The following HDGFL3 variants were observed in gnomAD, a reference collection of about 807,000 sequenced individuals.
HDGFL3 encodes the protein hepatoma-derived growth factor-related protein 3.
Under a neutral mutation model 27.6 loss-of-function variants are expected in HDGFL3, and 6 were observed. The ratio of observed to expected loss-of-function variants is 0.22; its 90% confidence interval spans 0.12 to 0.43. The LOEUF (loss-of-function observed/expected upper bound fraction) is 0.43, where lower values mean the gene tolerates loss of function less well. Ranked by LOEUF, HDGFL3 falls within the 20% of genes least tolerant of loss-of-function variation. The pLI, the probability that HDGFL3 is intolerant of heterozygous loss-of-function variation, is 1.00. For missense variants in HDGFL3, 207 were observed against 250.1 expected (o/e 0.83, Z 1.16); for synonymous variants, 88 against 88.9 (o/e 0.99, Z 0.05).
In HDGFL3 at chr15:83,128,393, G is replaced by C. The variant is rs1034741577; in HGVS notation, c.*10877C>G. ...ATCGAAAAAGTTGATGTAGCATCCA[G>C]AAGTAATGGTTCCTGTCCTTTCCTT... On this transcript the variant is annotated 3_prime_UTR_variant, in exon 6 of 6. Transcript: ENST00000299633. 3 of 152,178 alleles carry C rather than the reference G, an allele frequency of 2.0e-5. No individual in the cohort carries two copies. The highest frequency in any genetic ancestry group is 7.2e-5 in the African/African-American group (3 of 41,444). The allele number at this position is 152,178 out of a possible 1,614,324, so 9.4% of individuals were successfully genotyped here. A position where few individuals can be genotyped will look rare whatever the true frequency, so the allele number is the denominator to read the frequency against.
chr15:83,138,110 A>G lies in HDGFL3; in HGVS notation c.*1160T>C, dbSNP rs540226543. 1 of 152,692 alleles carries G rather than the reference A, an allele frequency of 6.5e-6. No homozygotes were observed. Among genetic ancestry groups the G allele is most frequent in the South Asian group, 2.1e-4 (1 of 4,826 alleles). 9.5% of individuals were successfully genotyped at this position (152,692 alleles called of 1,614,324 possible). On this transcript the variant is annotated 3_prime_UTR_variant, in exon 6 of 6. Coordinates refer to ENST00000299633, the MANE Select transcript of HDGFL3 (RefSeq NM_016073.4). ...AATATATGAATTACATTAATACCTC[A>G]CGTTACATATATGAAGCCAAATTAC... is the stretch of plus-strand genomic sequence containing the variant.
chr15:83,139,865 CAG>C (rs757537374), intron 5 of HDGFL3, among the ~76,000 whole-genome samples: 53 of 152,160 alleles, frequency 3.5e-4, no homozygotes, highest in Non-Finnish European at 6.5e-4. Context: ...GTGTGACAAA[CAG>C]AAAATAAAAC....
downstream of HDGFL3, among the ~76,000 whole-genome samples, chr15:83,125,479 A>G (rs563520619): frequency 1.3e-5 from 2 of 152,330 alleles, no homozygotes; most frequent in Non-Finnish European, 2.9e-5. Flanking sequence ...GTAAAATAAC[A>G]CTACCTACCT....
At position 83,129,468 on chromosome 15, in the gene HDGFL3, A is replaced by G. The variant is rs1223010227; in HGVS notation, c.*9802T>C. Reference sequence around the variant, plus strand: ...TAAACAGCACAATGGACACATAATAATATCTTTTGTAATAGCTCTGGGAAA... The same window carrying G: ...TAAACAGCACAATGGACACATAATAGTATCTTTTGTAATAGCTCTGGGAAA... On this transcript the variant is annotated 3_prime_UTR_variant, in exon 6 of 6. Transcript: ENST00000299633. 6.6e-6 allele frequency: 1 copy of G among 152,312 alleles called. No homozygotes were observed. Among genetic ancestry groups the G allele is most frequent in the Admixed American group, 6.5e-5 (1 of 15,302 alleles). The allele number at this position is 152,312 out of a possible 1,614,324, so 9.4% of individuals were successfully genotyped here. A position where few individuals can be genotyped will look rare whatever the true frequency, so the allele number is the denominator to read the frequency against.
chr15:83,148,623 A>G (rs976830857), intron 5 of HDGFL3, among the ~76,000 whole-genome samples: 24 of 147,376 alleles, frequency 1.6e-4, no homozygotes, highest in Non-Finnish European at 2.6e-4. Context: ...CTCCGTCTCG[A>G]AAAAAAAAAA....
At chr15:83,157,723 T>C (rs751524154) in intron 3 of HDGFL3, 150 bp from the exon 4 acceptor site, 12 of 977,722 alleles carry the variant, frequency 1.2e-5, no homozygotes, top group Non-Finnish European at 1.8e-5. Flanking sequence ...AATTTTCCAA[T>C]GGACACTTGA....
chr15:83,183,131 A>T (rs1275770551), intron 1 of HDGFL3, among the ~76,000 whole-genome samples: 1 of 152,218 alleles, frequency 6.6e-6, no homozygotes, highest in Non-Finnish European at 1.5e-5. Flanking sequence ...AAATCAGGAG[A>T]CTACTGTGCT....
In HDGFL3 at chr15:83,157,913, G is replaced by A. The variant is rs772870099; in HGVS notation, c.290C>T (p.Thr97Ile). Residue 97 changes from threonine (T) to isoleucine (I), a missense_variant, in exon 3 of 6, where the codon ACT (threonine) becomes ATT (isoleucine). Transcript: ENST00000299633. ...EIENNPGVKF[T>I]GYQAIQQQSS... is the part of the protein sequence containing the mutation. ...GAAGTAAACCATTACCTGGTAGCCAGTAAACTTTACTCCTGGGTTATTTTC... is the reference window on the plus strand; with the variant it reads ...GAAGTAAACCATTACCTGGTAGCCAATAAACTTTACTCCTGGGTTATTTTC... The A allele has an allele frequency of 5.6e-6, 9 of 1,611,318 alleles. No individual in the cohort carries two copies. The highest frequency in any genetic ancestry group is 5.9e-6 in the Non-Finnish European group (7 of 1,179,136).
intron 1 of HDGFL3, among the ~76,000 whole-genome samples, chr15:83,176,157 T>C (rs1220186158): frequency 6.6e-6 from 1 of 152,214 alleles, no homozygotes; most frequent in African/African-American, 2.4e-5. Flanking sequence ...TTTCTTTCAC[T>C]TGTATATGAA....
chr15:83,131,345 TA>T lies in HDGFL3; in HGVS notation c.*7924del, dbSNP rs2036234109. On this transcript the variant is annotated 3_prime_UTR_variant, in exon 6 of 6. Transcript: ENST00000299633. ...ATAGGCCAATGGAAGAAATATTGAG[TA>T]GTGGCCAGGCGCAGTGGCTCACACA... is the stretch of plus-strand genomic sequence containing the variant. 1.3e-5 allele frequency: 2 copies of T among 151,604 alleles called. No homozygotes were observed. Among genetic ancestry groups the T allele is most frequent in the Admixed American group, 1.3e-4 (2 of 15,198 alleles). The allele number at this position is 151,604 out of a possible 1,614,324, so 9.4% of individuals were successfully genotyped here.
chr15:83,176,439 T>A (rs2037312157), intron 1 of HDGFL3, among the ~76,000 whole-genome samples: 1 of 152,210 alleles, frequency 6.6e-6, no homozygotes, highest in Admixed American at 6.5e-5. Flanking sequence ...CTTGCTTTGC[T>A]CACTGCAGAG....
At chr15:83,145,043 G>A (rs987894118) in intron 5 of HDGFL3, among the ~76,000 whole-genome samples, 4 of 151,738 alleles carry the variant, frequency 2.6e-5, no homozygotes, top group Admixed American at 1.3e-4. Context: ...AAGGGAGGAA[G>A]TACTCAGAGA....
intron 1 of HDGFL3, among the ~76,000 whole-genome samples, chr15:83,164,782 T>A (rs568301142): frequency 2.0e-5 from 3 of 152,368 alleles, no homozygotes; most frequent in Admixed American, 2.0e-4. Context: ...AAAGTCAAAA[T>A]TCCTTAGAAT....
At chr15:83,157,861 A>G in intron 3 of HDGFL3, 42 bp downstream of exon 3, 1 of 1,578,242 alleles carries the variant, frequency 6.3e-7, no homozygotes, top group South Asian at 1.1e-5. Context: ...GTTAAAACCA[A>G]AGAAATGAGA....
intron 1 of HDGFL3, among the ~76,000 whole-genome samples, chr15:83,194,510 A>T (rs2037547446): frequency 6.6e-6 from 1 of 152,236 alleles, no homozygotes; most frequent in Non-Finnish European, 1.5e-5. Context: ...TTAATATTAC[A>T]TAAACTATAC....
At chr15:83,122,613 T>C (rs2035372613) in intron 3 of HDGFL3, 1 of 806,036 alleles carries the variant, frequency 1.2e-6, no homozygotes, top group Non-Finnish European at 1.9e-6. Context: ...GTATTTTAAA[T>C]TGACCTTTTT....
At chr15:83,155,430 A>G (rs1195292698) in intron 4 of HDGFL3, among the ~76,000 whole-genome samples, 1 of 152,258 alleles carries the variant, frequency 6.6e-6, no homozygotes, top group Non-Finnish European at 1.5e-5. Flanking sequence ...TGCACAACAC[A>G]TTAGGTGGAA....
downstream of HDGFL3, chr15:83,126,832 T>TTA: frequency 6.2e-7 from 1 of 1,613,330 alleles, no homozygotes; most frequent in Non-Finnish European, 8.5e-7. Context: ...ATCCTGCTGC[T>TTA]TATCCTAAAA....
At chr15:83,127,451 T>C (rs562270944), downstream of HDGFL3, 22 of 1,613,944 alleles carry the variant, frequency 1.4e-5, no homozygotes, top group African/African-American at 9.3e-5. Flanking sequence ...TGACATCACA[T>C]TGATACATGC....
Sources: allele counts gnomAD v4.1 joint callset (sites outside exome capture counted in the v4.1 genomes callset), GRCh38; gene constraint gnomAD v4.1.1; transcripts MANE v1.5; gene names NCBI Gene and HGNC (gene_info 2026-07-23, HGNC 2026-07-21).